Variants in LARGE1 observed in about 807,000 individuals in gnomAD.
LARGE1 encodes xylosyl- and glucuronyltransferase LARGE1.
Under a neutral mutation model 87.6 loss-of-function variants are expected in LARGE1, and 43 were observed. The ratio of observed to expected loss-of-function variants is 0.49; its 90% CI spans 0.38 to 0.63. The LOEUF is 0.63. LARGE1 is among the 30% of genes least tolerant of loss of function. The pLI, the probability that LARGE1 is intolerant of heterozygous loss-of-function variation, is 0.00. For synonymous variants in LARGE1, 434 were observed against 394.6 expected (o/e 1.10, Z -1.18); for missense variants, 802 against 1,000.2 (o/e 0.80, Z 2.67).
chr22:33,190,865 A>G (rs73881983), intron 11 of LARGE1, among the ~76,000 whole-genome samples: 4,597 of 152,330 alleles, frequency 0.03, 96 homozygotes, highest in Admixed American at 0.056. Context: ...TTTCTAGTCA[A>G]GGCTCAACTT....
At chr22:33,456,467 G>A (rs2147967296) in intron 6 of LARGE1, among the ~76,000 whole-genome samples, 1 of 152,264 alleles carries the variant, frequency 6.6e-6, no homozygotes, top group Non-Finnish European at 1.5e-5. Flanking sequence ...GCTTGCCTGT[G>A]GCTTCTACAT....
chr22:33,861,258 C>T (rs965256506), intron 1 of LARGE1, among the ~76,000 whole-genome samples: 4 of 152,124 alleles, frequency 2.6e-5, no homozygotes, highest in Non-Finnish European at 5.9e-5. Flanking sequence ...TTTTTCTCTT[C>T]GTTAACTTGG....
chr22:33,823,677 T>G (rs1027569207), intron 1 of LARGE1, among the ~76,000 whole-genome samples: 3 of 152,170 alleles, frequency 2.0e-5, no homozygotes, highest in African/African-American at 7.2e-5. Context: ...CAGATGCATC[T>G]GCACACAGCC....
At chr22:33,855,564 C>T (rs2063734197) in intron 1 of LARGE1, among the ~76,000 whole-genome samples, 1 of 152,130 alleles carries the variant, frequency 6.6e-6, no homozygotes, top group African/African-American at 2.4e-5. Context: ...AACCCAAATG[C>T]CACATTCCAG....
intron 11 of LARGE1, among the ~76,000 whole-genome samples, chr22:33,208,941 T>C (rs1454206480): frequency 6.6e-6 from 1 of 152,258 alleles, no homozygotes; most frequent in Non-Finnish European, 1.5e-5. Flanking sequence ...ATGGTGTATA[T>C]GTGCCACACT....
intron 2 of LARGE1, among the ~76,000 whole-genome samples, chr22:33,752,288 A>G (rs1185855355): frequency 6.6e-6 from 1 of 152,144 alleles, no homozygotes; most frequent in Non-Finnish European, 1.5e-5. Flanking sequence ...TTTCCAAAGT[A>G]GTTATATAAA....
At chr22:33,614,510 A>AC (rs1426896116) in intron 4 of LARGE1, among the ~76,000 whole-genome samples, 3 of 151,668 alleles carry the variant, frequency 2.0e-5, no homozygotes, top group Non-Finnish European at 4.4e-5. Flanking sequence ...CAACGATCTC[A>AC]CCCTATCTGT....
rs78313316 is a variant in LARGE1, at chr22:33,495,912, T to G, written c.788-63647A>C. Among the ~76,000 whole-genome samples the G allele has an allele frequency of 3.8e-3, 571 of 152,218 alleles. 5 individuals carry two copies. The highest frequency in any genetic ancestry group is 0.023 in the South Asian group (111 of 4,812). Reference sequence around the variant, plus strand: ...TCAGTGTGGTGGTATTAGGAAGTGGTACCTCTGTGAGTGTATTAGTCAGGA... The same window carrying G: ...TCAGTGTGGTGGTATTAGGAAGTGGGACCTCTGTGAGTGTATTAGTCAGGA... On this transcript the variant is annotated intron_variant, in intron 6 of 14. Transcript: ENST00000397394.
intron 1 of LARGE1, among the ~76,000 whole-genome samples, chr22:33,804,689 C>T (rs2086257343): frequency 6.6e-6 from 1 of 152,174 alleles, no homozygotes; most frequent in South Asian, 2.1e-4. Context: ...CTGGCTTAAA[C>T]AAAAACAACA....
At chr22:33,331,064 C>G (rs1477958207) in intron 10 of LARGE1, among the ~76,000 whole-genome samples, 1 of 152,222 alleles carries the variant, frequency 6.6e-6, no homozygotes, top group African/African-American at 2.4e-5. Context: ...ATGTGTGGAA[C>G]AGTGGATTAT....
the LARGE1 span, among the ~76,000 whole-genome samples, chr22:33,099,973 C>A: frequency 6.6e-6 from 1 of 152,116 alleles, no homozygotes; most frequent in African/African-American, 2.4e-5. Context: ...GAAATAAACA[C>A]AGGGGAACAA....
At chr22:33,283,788 G>T (rs541767743) in intron 12 of LARGE1, among the ~76,000 whole-genome samples, 4 of 145,112 alleles carry the variant, frequency 2.8e-5, no homozygotes, top group African/African-American at 1.0e-4. Context: ...AAAAAGGTGG[G>T]GGGAAGAAAG....
chr22:33,762,247 G>C (rs111862064), intron 1 of LARGE1, among the ~76,000 whole-genome samples: 5 of 130,788 alleles, frequency 3.8e-5, no homozygotes, highest in African/African-American at 1.2e-4. Flanking sequence ...AAAAAGACTA[G>C]ACCAGAGGAT....
At chr22:33,371,218 C>A (rs1383490860) in intron 9 of LARGE1, among the ~76,000 whole-genome samples, 3 of 150,920 alleles carry the variant, frequency 2.0e-5, no homozygotes, top group Non-Finnish European at 3.0e-5. Context: ...TGAATTATCA[C>A]ACATATAAAA....
chr22:33,236,836 C>G (rs1926275599), intron 11 of LARGE1, among the ~76,000 whole-genome samples: 1 of 152,166 alleles, frequency 6.6e-6, no homozygotes, highest in African/African-American at 2.4e-5. Flanking sequence ...AAGTTGGAAT[C>G]TGTCCCAATC....
intron 1 of LARGE1, among the ~76,000 whole-genome samples, chr22:33,763,868 T>G (rs929672249): frequency 3.0e-5 from 2 of 67,724 alleles, no homozygotes; most frequent in African/African-American, 6.9e-5. Context: ...TTTTTTTTTT[T>G]GAGACAGAGA....
chr22:33,535,848 A>C (rs924141403), intron 6 of LARGE1, among the ~76,000 whole-genome samples: 1 of 151,868 alleles, frequency 6.6e-6, no homozygotes, highest in Non-Finnish European at 1.5e-5. Context: ...TCACTCCTGA[A>C]ATTTGCCGGC....
At chr22:33,235,478 A>G (rs1926207202) in intron 11 of LARGE1, among the ~76,000 whole-genome samples, 1 of 144,762 alleles carries the variant, frequency 6.9e-6, no homozygotes, top group African/African-American at 2.6e-5. Context: ...GGTGCACGTA[A>G]CAAACAAACG....
chr22:33,541,078 GTTGCA>G (rs1304756310), intron 6 of LARGE1, among the ~76,000 whole-genome samples: 57 of 62,064 alleles, frequency 9.2e-4, no homozygotes, highest in Middle Eastern at 8.1e-3. Context: ...CGGGGGGCGG[GTTGCA>G]GGGGGAGAAT....
Sources: gnomAD v4.1 joint callset for allele counts (sites outside exome capture counted in the v4.1 genomes callset) on GRCh38, gnomAD v4.1.1 for gene constraint, MANE v1.5 for transcripts, NCBI Gene and HGNC (gene_info 2026-07-23, HGNC 2026-07-21) for gene names.